The following NRG1 variants were observed in gnomAD, a reference collection of about 807,000 sequenced individuals.
NRG1 encodes the protein pro-neuregulin-1, membrane-bound isoform.
Under a neutral mutation model 63.8 loss-of-function variants are expected in NRG1, and 18 were observed. The ratio of observed to expected loss-of-function variants is 0.28; its 90% CI spans 0.19 to 0.42. The LOEUF (loss-of-function observed/expected upper bound fraction) is 0.42. Ranked by LOEUF, NRG1 falls within the 10% of genes least tolerant of loss-of-function variation. The pLI, the probability that NRG1 is intolerant of heterozygous loss-of-function variation, is 1.00. For missense variants in NRG1, 762 were observed against 814.7 expected, an observed-to-expected ratio of 0.94 and a Z score of 0.79; for synonymous variants, 302 against 301.3, an observed-to-expected ratio of 1.00 and a Z score of -0.02.
intron 1 of NRG1, among the ~76,000 whole-genome samples, chr8:31,852,670 A>G (rs1450545458): frequency 3.3e-5 from 5 of 152,016 alleles, no homozygotes; most frequent in African/African-American, 2.4e-5. Context: ...TGTTTTAGAC[A>G]TGAAGTCCTT....
intron 1 of NRG1, among the ~76,000 whole-genome samples, chr8:32,322,293 A>G (rs1275478395): frequency 7.3e-5 from 11 of 151,664 alleles, no homozygotes; most frequent in Non-Finnish European, 2.9e-5. Flanking sequence ...TTTACAAAAT[A>G]TAATGGTTGT....
At chr8:32,030,578 C>G (rs1452528970) in intron 1 of NRG1, 1 of 151,700 alleles carries the variant, frequency 6.6e-6, no homozygotes, top group Admixed American at 6.6e-5. Flanking sequence ...TTTTTTAAAC[C>G]TATTAAAGAA....
exon 1 of NRG1, chr8:32,548,577 G>A: frequency 1.5e-6 from 2 of 1,300,410 alleles, no homozygotes; most frequent in Admixed American, 4.3e-5. Flanking sequence ...TGCAGGCAAC[G>A]GGAGACGCCC....
chr8:32,419,527 C>T (rs1420119921), intron 1 of NRG1, among the ~76,000 whole-genome samples: 1 of 152,100 alleles, frequency 6.6e-6, no homozygotes, highest in Non-Finnish European at 1.5e-5. Flanking sequence ...CCTATAAATA[C>T]CCAAGTCTTT....
intron 1 of NRG1, among the ~76,000 whole-genome samples, chr8:32,264,559 A>G (rs1850716165): frequency 6.6e-6 from 1 of 152,230 alleles, no homozygotes; most frequent in Non-Finnish European, 1.5e-5. Context: ...ACAACAGTCT[A>G]TGATAAAAAG....
intron 1 of NRG1, among the ~76,000 whole-genome samples, chr8:31,887,092 A>C (rs896278436): frequency 6.6e-6 from 1 of 152,072 alleles, no homozygotes; most frequent in Admixed American, 6.6e-5. Flanking sequence ...ATCAGTGAAC[A>C]GATTTCTTTG....
intron 1 of NRG1, among the ~76,000 whole-genome samples, chr8:32,069,847 C>G (rs1049119920): frequency 6.6e-6 from 1 of 152,162 alleles, no homozygotes; most frequent in Non-Finnish European, 1.5e-5. Context: ...GTTTTGAGAA[C>G]CTGAGTCCTA....
At chr8:32,231,516 T>C (rs889366567) in intron 1 of NRG1, among the ~76,000 whole-genome samples, 1 of 152,192 alleles carries the variant, frequency 6.6e-6, no homozygotes, top group Non-Finnish European at 1.5e-5. Flanking sequence ...TGAATTAAAT[T>C]CCTTTCTTTA....
intron 1 of NRG1, among the ~76,000 whole-genome samples, chr8:32,120,058 T>G (rs1045303511): frequency 1.3e-5 from 2 of 152,072 alleles, no homozygotes; most frequent in Non-Finnish European, 2.9e-5. Flanking sequence ...TAAAATAATC[T>G]TCAATCATAG....
chr8:31,881,135 T>C (rs1056620245), intron 1 of NRG1, among the ~76,000 whole-genome samples: 3 of 152,238 alleles, frequency 2.0e-5, no homozygotes, highest in African/African-American at 7.2e-5. Flanking sequence ...CACTTTGCTT[T>C]ATCATGCTTT....
At chr8:31,872,311 CA>C (rs1315560363) in intron 1 of NRG1, among the ~76,000 whole-genome samples, 1 of 151,950 alleles carries the variant, frequency 6.6e-6, no homozygotes, top group East Asian at 1.9e-4. Context: ...ATCCTTTTAC[CA>C]TTTTTTTTTA....
intron 1 of NRG1, among the ~76,000 whole-genome samples, chr8:32,354,324 G>A (rs1460445196): frequency 2.0e-5 from 3 of 152,248 alleles, no homozygotes; most frequent in Middle Eastern, 3.4e-3. Context: ...AGCCGAGATC[G>A]TGCCACTGCA....
intron 1 of NRG1, among the ~76,000 whole-genome samples, chr8:32,177,586 C>A (rs887411822): frequency 6.6e-6 from 1 of 151,810 alleles, no homozygotes. Flanking sequence ...ATGTTCCCCT[C>A]GCTGTGTCCA....
intron 1 of NRG1, among the ~76,000 whole-genome samples, chr8:32,048,442 CATACATATATATATATATATATATAT>C (rs1363118311): frequency 3.7e-5 from 5 of 134,884 alleles, no homozygotes; most frequent in East Asian, 2.1e-4. Flanking sequence ...CACATATATA[CATACATATATATATATATATATATAT>C]ATATATATAT....
At chr8:31,708,021 T>A (rs1421375042) in intron 1 of NRG1, among the ~76,000 whole-genome samples, 1 of 152,184 alleles carries the variant, frequency 6.6e-6, no homozygotes, top group Non-Finnish European at 1.5e-5. Flanking sequence ...TCATAAAGCA[T>A]GATAATGGTT....
At chr8:32,553,318 GA>G (rs1463930495) in intron 1 of NRG1, among the ~76,000 whole-genome samples, 2 of 152,084 alleles carry the variant, frequency 1.3e-5, no homozygotes, top group Non-Finnish European at 2.9e-5. Context: ...AACTACTTAA[GA>G]AATGAATTAT....
intron 1 of NRG1, among the ~76,000 whole-genome samples, chr8:31,839,564 T>C (rs920508580): frequency 2.6e-5 from 4 of 152,182 alleles, no homozygotes; most frequent in Non-Finnish European, 5.9e-5. Flanking sequence ...GTATCCTTTT[T>C]GTGCCCAAAC....
In NRG1 at chr8:31,930,348, TG is replaced by T. The variant is rs1280560026; in HGVS notation, c.37+290922del. On this transcript the variant is annotated intron_variant, in intron 1 of 10. Coordinates refer to the NRG1 transcript ENST00000519301. ...TGACTTTAATAGCTGTGAGCTCTAA[TG>T]GGGGCTAGAAACTCCAGCAAGTGGT... 2.0e-5 allele frequency among the ~76,000 whole-genome samples: 3 copies of T among 152,196 alleles called. No individual in the cohort carries two copies. In the East Asian group the frequency reaches 5.8e-4, roughly 29 times the overall value.
intron 1 of NRG1, among the ~76,000 whole-genome samples, chr8:32,047,347 A>T (rs992662742): frequency 6.6e-6 from 1 of 152,018 alleles, no homozygotes; most frequent in African/African-American, 2.4e-5. Flanking sequence ...ACGTTTTTTC[A>T]TGATTTCAAT....
Sources: gnomAD v4.1 joint callset for allele counts (sites outside exome capture counted in the v4.1 genomes callset) on GRCh38, gnomAD v4.1.1 for gene constraint, MANE v1.5 for transcripts, NCBI Gene and HGNC (gene_info 2026-07-23, HGNC 2026-07-21) for gene names.